ZNF804A: variants seen among roughly 807,000 people sequenced by gnomAD.
ZNF804A encodes zinc finger protein 804A.
In ZNF804A, 2 loss-of-function variants were observed where a neutral mutation model predicts 16.5. The observed-to-expected ratio is 0.12, with a 90% CI of 0.05 to 0.38. The LOEUF is 0.38. Ranked by LOEUF, ZNF804A falls within the 10% of genes least tolerant of loss-of-function variation. The pLI is 0.99. For synonymous variants in ZNF804A, 534 were observed against 489.6 expected, an observed-to-expected ratio of 1.09 and a Z score of -1.20; for missense variants, 1,473 against 1,390.7, an observed-to-expected ratio of 1.06 and a Z score of -0.94.
chr2:184,846,679 A>G (rs1250824461), intron 1 of ZNF804A, among the ~76,000 whole-genome samples: 1 of 152,050 alleles, frequency 6.6e-6, no homozygotes, highest in Non-Finnish European at 1.5e-5. Context: ...ATTAAAATAT[A>G]CTATCCTTCA....
chr2:184,839,395 G>A (rs570166467), intron 1 of ZNF804A, among the ~76,000 whole-genome samples: 1 of 152,086 alleles, frequency 6.6e-6, no homozygotes, highest in South Asian at 2.1e-4. Context: ...CTGGACTCCT[G>A]TGCAAAGTTA....
At chr2:184,636,319 T>TGA (rs1337118207) in intron 1 of ZNF804A, among the ~76,000 whole-genome samples, 11 of 117,930 alleles carry the variant, frequency 9.3e-5, no homozygotes, top group East Asian at 4.0e-4. Flanking sequence ...TGTGTGTGTG[T>TGA]GTGAGAGAGA....
At chr2:184,790,694 C>T (rs985476266) in intron 1 of ZNF804A, among the ~76,000 whole-genome samples, 3 of 152,042 alleles carry the variant, frequency 2.0e-5, no homozygotes, top group Non-Finnish European at 4.4e-5. Flanking sequence ...AGCTCCCCCT[C>T]CTAGGTTCAC....
At chr2:184,855,635 CACAT>C (rs1170538049) in intron 1 of ZNF804A, among the ~76,000 whole-genome samples, 4 of 151,520 alleles carry the variant, frequency 2.6e-5, no homozygotes, top group African/African-American at 9.7e-5. Context: ...CACACACACA[CACAT>C]ATAAAGCACT....
chr2:184,793,455 G>T (rs1694584519), intron 1 of ZNF804A, among the ~76,000 whole-genome samples: 2 of 152,018 alleles, frequency 1.3e-5, no homozygotes, highest in South Asian at 4.1e-4. Flanking sequence ...ACTAGTTAAT[G>T]ATAGCCACTC....
chr2:184,893,781 A>T (rs1004934412), intron 2 of ZNF804A, among the ~76,000 whole-genome samples: 2 of 152,060 alleles, frequency 1.3e-5, no homozygotes, highest in Non-Finnish European at 2.9e-5. Flanking sequence ...CATTGATGAG[A>T]GTGTGCATCA....
chr2:184,843,223 T>C (rs1016761826), intron 1 of ZNF804A, among the ~76,000 whole-genome samples: 1 of 152,128 alleles, frequency 6.6e-6, no homozygotes, highest in African/African-American at 2.4e-5. Flanking sequence ...CACTGCAAAC[T>C]GCCATCAACA....
rs140882066 is a variant in ZNF804A at position 184,926,740 on chromosome 2, C to A, written c.256-6863C>A. ...CCTCTGACTTCGTGTTTTTAAATAG[C>A]CTATCTTCAAGCTCACTAATTTTTT... On this transcript the variant is annotated intron_variant, in intron 2 of 3. Coordinates refer to ENST00000302277, the MANE Select transcript of ZNF804A (RefSeq NM_194250.2). Among the ~76,000 whole-genome samples, 272 of 152,166 alleles carry A rather than the reference C, an allele frequency of 1.8e-3. 3 individuals are homozygous for A. Among genetic ancestry groups the A allele is most frequent in the South Asian group, 4.8e-3 (23 of 4,822 alleles).
intron 2 of ZNF804A, 29 bp from the exon 3 acceptor site, chr2:184,933,574 T>G: frequency 6.4e-7 from 1 of 1,566,580 alleles, no homozygotes; most frequent in Non-Finnish European, 8.6e-7. Flanking sequence ...CAAAATACAA[T>G]TAATCATTTT....
intron 1 of ZNF804A, among the ~76,000 whole-genome samples, chr2:184,828,294 GTTTTA>G (rs1450471168): frequency 6.6e-6 from 1 of 151,678 alleles, no homozygotes; most frequent in Middle Eastern, 3.2e-3. Context: ...TCCACAAATA[GTTTTA>G]TTTTGTTAAT....
intron 2 of ZNF804A, among the ~76,000 whole-genome samples, chr2:184,877,391 G>T (rs1482559869): frequency 6.6e-6 from 1 of 152,064 alleles, no homozygotes; most frequent in Non-Finnish European, 1.5e-5. Context: ...GAAAAAATAT[G>T]CAAAATCTAA....
chr2:184,758,679 A>G (rs919372512), intron 1 of ZNF804A, among the ~76,000 whole-genome samples: 1 of 151,962 alleles, frequency 6.6e-6, no homozygotes, highest in African/African-American at 2.4e-5. Context: ...TAAACAGTGG[A>G]TTTTACAGTT....
intron 2 of ZNF804A, among the ~76,000 whole-genome samples, chr2:184,885,411 A>T (rs1175925146): frequency 1.3e-5 from 2 of 152,168 alleles, no homozygotes; most frequent in Non-Finnish European, 2.9e-5. Flanking sequence ...AGCACTATTC[A>T]CAATAGCAAA....
chr2:184,603,727 T>G (rs561002543), intron 1 of ZNF804A, among the ~76,000 whole-genome samples: 1 of 152,314 alleles, frequency 6.6e-6, no homozygotes, highest in African/African-American at 2.4e-5. Context: ...AATATCTTCA[T>G]ACCTTCCCAC....
intron 1 of ZNF804A, among the ~76,000 whole-genome samples, chr2:184,682,462 A>G (rs1284856297): frequency 2.0e-5 from 3 of 152,140 alleles, no homozygotes; most frequent in Admixed American, 6.5e-5. Context: ...AATTAGCTAC[A>G]TTTGATTTTT....
intron 1 of ZNF804A, among the ~76,000 whole-genome samples, chr2:184,656,184 C>G (rs977934069): frequency 6.6e-5 from 10 of 152,014 alleles, no homozygotes; most frequent in Admixed American, 2.0e-4. Context: ...TGGTATACAT[C>G]AGATATAATG....
intron 1 of ZNF804A, among the ~76,000 whole-genome samples, chr2:184,656,513 A>G (rs1034858179): frequency 4.6e-5 from 7 of 152,128 alleles, no homozygotes; most frequent in African/African-American, 7.2e-5. Flanking sequence ...TAGTGCTTAC[A>G]TATACCAGGA....
chr2:184,861,030 A>G (rs141126355), intron 1 of ZNF804A, among the ~76,000 whole-genome samples: 143 of 152,292 alleles, frequency 9.4e-4, no homozygotes, highest in Middle Eastern at 3.4e-3. Context: ...TCTGTTGCTC[A>G]GGCCTGGAGC....
chr2:184,653,461 A>G (rs1331668691), intron 1 of ZNF804A, among the ~76,000 whole-genome samples: 2 of 152,226 alleles, frequency 1.3e-5, no homozygotes, highest in Non-Finnish European at 2.9e-5. Flanking sequence ...AGGCAGAAAA[A>G]GAGACCAAGG....
Sources: allele counts gnomAD v4.1 joint callset (sites outside exome capture counted in the v4.1 genomes callset), GRCh38; gene constraint gnomAD v4.1.1; transcripts MANE v1.5; gene names NCBI Gene and HGNC (gene_info 2026-07-23, HGNC 2026-07-21).